The following HEATR5B variants were observed in gnomAD, a reference collection of about 807,000 sequenced individuals.
The protein encoded by HEATR5B is HEAT repeat containing 5B.
HEATR5B carries 156 observed loss-of-function variants against 224.1 expected under a neutral mutation model. The observed-to-expected ratio is 0.70, with a 90% CI of 0.61 to 0.80. The LOEUF is 0.80. Ranked by LOEUF, HEATR5B falls within the 30% of genes least tolerant of loss-of-function variation. The probability of loss-of-function intolerance (pLI) is 0.00; values close to 1 mark genes in which losing one functional copy is unlikely to be tolerated. For synonymous variants in HEATR5B, 1,027 were observed against 893.0 expected (o/e 1.15, Z -2.68); for missense variants, 2,323 against 2,535.5 (o/e 0.92, Z 1.80).
At chr2:37,055,215 T>A (rs544087127) in intron 16 of HEATR5B, 41 of 205,570 alleles carry the variant, frequency 2.0e-4, no homozygotes, top group African/African-American at 9.4e-4. Flanking sequence ...ATCAAAACAC[T>A]GTCTCTACAA....
chr2:37,050,592 C>T (rs759578684), intron 17 of HEATR5B, among the ~76,000 whole-genome samples: 3 of 151,894 alleles, frequency 2.0e-5, no homozygotes, highest in African/African-American at 4.8e-5. Flanking sequence ...AAATCTTTAA[C>T]AAAAAAATAA....
chr2:37,032,876 T>TCA, intron 21 of HEATR5B, 103 bp from the exon 22 acceptor site: 1 of 995,780 alleles, frequency 1.0e-6, no homozygotes, highest in Non-Finnish European at 1.4e-6. Flanking sequence ...ATATATATGT[T>TCA]TTGTTTTGTT....
At position 37,057,410 on chromosome 2, in the gene HEATR5B, A is replaced by G. The variant is rs763055395; in HGVS notation, c.2130T>C (p.Thr710=). Reference sequence around the variant, plus strand: ...GGCAGAGGGATCTGAGGAGGGAAGTAGTTGTGTTGGCTGAGTTGTCAGTCA... The same window carrying G: ...GGCAGAGGGATCTGAGGAGGGAAGTGGTTGTGTTGGCTGAGTTGTCAGTCA... The part of the protein sequence containing the change: ...FTLTDNSANT[T]TSLLRSLCHY... Residue 710 remains threonine, a synonymous_variant, in exon 15 of 36, where the codon ACT becomes ACC. Coordinates refer to ENST00000233099, the MANE Select transcript of HEATR5B (RefSeq NM_019024.3). 3.7e-6 allele frequency: 6 copies of G among 1,611,718 alleles called. No homozygotes were observed. The African/African-American group carries it at 4.0e-5, about 11-fold the overall frequency.
intron 19 of HEATR5B, 27 bp downstream of exon 19, chr2:37,041,106 G>A: frequency 6.4e-7 from 1 of 1,574,236 alleles, no homozygotes; most frequent in Non-Finnish European, 8.6e-7. Flanking sequence ...CTAAACTTTT[G>A]TAATAAAAAA....
At chr2:37,008,508 A>G in intron 28 of HEATR5B, 103 bp downstream of exon 28, 3 of 797,918 alleles carry the variant, frequency 3.8e-6, no homozygotes, top group African/African-American at 3.4e-5. Context: ...CAGAAATTTA[A>G]ACTGTTACTA....
intron 7 of HEATR5B, among the ~76,000 whole-genome samples, chr2:37,069,458 T>C (rs1193184439): frequency 6.6e-6 from 1 of 152,184 alleles, no homozygotes; most frequent in Non-Finnish European, 1.5e-5. Flanking sequence ...TCTTATTCCG[T>C]GTTATTTTGA....
At chr2:36,996,137 T>C (rs1258735619) in intron 33 of HEATR5B, among the ~76,000 whole-genome samples, 1 of 151,808 alleles carries the variant, frequency 6.6e-6, no homozygotes, top group South Asian at 2.1e-4. Flanking sequence ...CTCAGCTCAT[T>C]ACAACCTCCA....
rs202230079 is a variant in HEATR5B at position 37,068,687 on chromosome 2, C to T, written c.1171G>A (p.Ala391Thr). 43 of 1,613,978 alleles carry T rather than the reference C, an allele frequency of 2.7e-5. No individual in the cohort carries two copies. In the East Asian group the frequency reaches 7.4e-4, roughly 28 times the overall value. Reference protein sequence around the residue: ...ICQAIGKQMKAVEAVVNDTSG... With the variant: ...ICQAIGKQMKTVEAVVNDTSG... ...TAATGATACTGATTCTTACCTACGGCTTTCATTTGTTTTCCAATAGCTTGG... is the reference window on the plus strand; with the variant it reads ...TAATGATACTGATTCTTACCTACGGTTTTCATTTGTTTTCCAATAGCTTGG... Residue 391 changes from alanine (A) to threonine (T), a missense_variant, in exon 8 of 36, where the codon GCC (alanine) becomes ACC (threonine). Ala to Thr is a moderately conservative substitution (Grantham distance 58, BLOSUM62 0). Coordinates refer to ENST00000233099, the MANE Select transcript of HEATR5B (RefSeq NM_019024.3).
At position 37,027,973 on chromosome 2, in the gene HEATR5B, G is replaced by T; in HGVS notation, c.3803C>A (p.Ala1268Asp). The change falls in exon 24 of 36, where the codon GCT becomes GAT. Residue 1268 changes from alanine (A) to aspartate (D), a missense_variant. Coordinates refer to ENST00000233099, the MANE Select transcript of HEATR5B (RefSeq NM_019024.3). ...IINLCENADQ[A>D]HFDLALARSA... Reference sequence around the variant, plus strand: ...ACGTGCCAAGGCAAGATCAAAGTGAGCCTGGTCTGCATTCTCACACAAATT... The same window carrying T: ...ACGTGCCAAGGCAAGATCAAAGTGATCCTGGTCTGCATTCTCACACAAATT... 1 of 1,614,216 alleles carries T rather than the reference G, an allele frequency of 6.2e-7. No individual in the cohort carries two copies. The highest frequency in any genetic ancestry group is 8.5e-7 in the Non-Finnish European group (1 of 1,180,024).
At chr2:37,038,923 T>G (rs1368272719) in intron 20 of HEATR5B, among the ~76,000 whole-genome samples, 12 of 123,450 alleles carry the variant, frequency 9.7e-5, no homozygotes, top group South Asian at 2.5e-4. Flanking sequence ...GGGTGGGGAA[T>G]CACATATTTT....
intron 20 of HEATR5B, 131 bp downstream of exon 20, chr2:37,040,198 G>T (rs1057285174): frequency 9.9e-6 from 7 of 704,734 alleles, no homozygotes; most frequent in Middle Eastern, 2.8e-4. Context: ...CAGGCTTTCA[G>T]TAAATCCAAG....
At chr2:37,012,485 G>T (rs1006115779) in intron 27 of HEATR5B, among the ~76,000 whole-genome samples, 1 of 152,018 alleles carries the variant, frequency 6.6e-6, no homozygotes, top group African/African-American at 2.4e-5. Flanking sequence ...CTGCCTCCCG[G>T]GTTCAAGTGA....
chr2:37,057,177 A>T lies in HEATR5B; in HGVS notation c.2223+140T>A, dbSNP rs540958794. The T allele has an allele frequency of 5.6e-6, 3 of 534,968 alleles. No homozygotes were observed. The African/African-American group carries it at 6.0e-5, about 11-fold the overall frequency. 33.1% of individuals were successfully genotyped at this position (534,968 alleles called of 1,614,324 possible). On this transcript the variant is annotated intron_variant, in intron 15 of 35. Transcript: ENST00000233099. ...TTAACTTTTTTCACTATCTACCACC[A>T]GGATGCCATCTTTAAGTGTCTAAGA...
Position 37,084,341 on chromosome 2 carries a change from C to T in HEATR5B, c.-95G>A. On this transcript the variant is annotated 5_prime_UTR_variant, in exon 1 of 36. In the 5' UTR this introduces an upstream ATG that the reference lacks. Transcript: ENST00000233099. Reference sequence around the variant, plus strand: ...GCCACCAAGAGACCCGGATGCCCCACCTCCCGCACTCCTACCTGCAGGAAA... The same window carrying T: ...GCCACCAAGAGACCCGGATGCCCCATCTCCCGCACTCCTACCTGCAGGAAA... 1 of 433,484 alleles carries T rather than the reference C, an allele frequency of 2.3e-6. No homozygotes were observed. Among genetic ancestry groups the T allele is most frequent in the Non-Finnish European group, 3.9e-6 (1 of 258,670 alleles). 26.9% of individuals were successfully genotyped at this position (433,484 alleles called of 1,614,324 possible). A position where few individuals can be genotyped will look rare whatever the true frequency, so the allele number is the denominator to read the frequency against.
Position 37,060,607 on chromosome 2 carries a change from A to G in HEATR5B, c.1823T>C (p.Leu608Ser). 2 of 1,613,862 alleles carry G rather than the reference A, an allele frequency of 1.2e-6. No individual in the cohort carries two copies. Among genetic ancestry groups the G allele is most frequent in the Non-Finnish European group, 1.7e-6 (2 of 1,179,808 alleles). Reference sequence around the variant, plus strand: ...ACATAGAGCTCCAGCACGACCTTCCAAAGTTACCTGCCAGGTAAAAGAATC... The same window carrying G: ...ACATAGAGCTCCAGCACGACCTTCCGAAGTTACCTGCCAGGTAAAAGAATC... Reference protein sequence around the residue: ...RGDSFTWQVTLEGRAGALCAM... With the variant: ...RGDSFTWQVTSEGRAGALCAM... Residue 608 changes from leucine to serine, a missense_variant, in exon 12 of 36, where the codon TTG becomes TCG. Coordinates refer to ENST00000233099, the MANE Select transcript of HEATR5B (RefSeq NM_019024.3).
At chr2:37,077,313 T>C (rs1672296314) in intron 3 of HEATR5B, among the ~76,000 whole-genome samples, 1 of 152,114 alleles carries the variant, frequency 6.6e-6, no homozygotes, top group Admixed American at 6.5e-5. Flanking sequence ...AGCTTTTCTT[T>C]TTTTTTTTAG....
At chr2:37,008,388 C>T (rs1194034162) in intron 28 of HEATR5B, 4 of 574,136 alleles carry the variant, frequency 7.0e-6, no homozygotes, top group Non-Finnish European at 1.2e-5. Context: ...ATTATTGTAA[C>T]AGTGCTTGCT....
chr2:37,020,631 T>A (rs2148438410), intron 25 of HEATR5B, 24 bp downstream of exon 25: 1 of 1,491,452 alleles, frequency 6.7e-7, no homozygotes, highest in Non-Finnish European at 8.9e-7. Context: ...AATTTTAAGT[T>A]CTTAAATAAA....
chr2:37,049,874 A>G (rs1670429990), intron 17 of HEATR5B, 31 bp from the exon 18 acceptor site: 18 of 1,394,904 alleles, frequency 1.3e-5, no homozygotes, highest in Non-Finnish European at 1.7e-5. Flanking sequence ...AAAAAAAGAC[A>G]GCAATTCATA....
Sources: gnomAD v4.1 joint callset for allele counts (sites outside exome capture counted in the v4.1 genomes callset) on GRCh38, gnomAD v4.1.1 for gene constraint, MANE v1.5 for transcripts, NCBI Gene and HGNC (gene_info 2026-07-23, HGNC 2026-07-21) for gene names.